RTN1: variants seen among roughly 807,000 people sequenced by gnomAD.
RTN1 encodes the protein reticulon 1, also known as reticulon-1.
In RTN1, 25 loss-of-function variants were observed where a neutral mutation model predicts 65.5. That is an observed-to-expected ratio of 0.38 (90% CI 0.28 to 0.53). The LOEUF is 0.53. Among genes scored for constraint, RTN1 ranks in the 20% least tolerant of loss-of-function variants. RTN1 has a pLI of 0.79. For missense variants in RTN1, 983 were observed against 1,025.4 expected, an observed-to-expected ratio of 0.96 and a Z score of 0.57; for synonymous variants, 471 against 447.6, an observed-to-expected ratio of 1.05 and a Z score of -0.66.
At chr14:59,686,812 G>T (rs1390505157) in intron 3 of RTN1, among the ~76,000 whole-genome samples, 1 of 152,186 alleles carries the variant, frequency 6.6e-6, no homozygotes, top group Admixed American at 6.5e-5. Flanking sequence ...AGGGAAAGAC[G>T]CTGGGAAAAG....
chr14:59,841,914 G>A (rs912705730), intron 1 of RTN1, among the ~76,000 whole-genome samples: 5 of 151,980 alleles, frequency 3.3e-5, no homozygotes, highest in African/African-American at 7.2e-5. Context: ...ATCACCTGAG[G>A]TCAGGAGTTC....
At chr14:59,788,316 T>C (rs774271733) in intron 1 of RTN1, among the ~76,000 whole-genome samples, 2 of 152,222 alleles carry the variant, frequency 1.3e-5, no homozygotes, top group Non-Finnish European at 2.9e-5. Context: ...AGAAAAAGAA[T>C]GCACTGATTT....
At chr14:59,782,012 T>C in intron 1 of RTN1, among the ~76,000 whole-genome samples, 1 of 152,142 alleles carries the variant, frequency 6.6e-6, no homozygotes, top group East Asian at 1.9e-4. Context: ...GAGATCATGA[T>C]AAAGGCAGCT....
intron 3 of RTN1, 87 bp downstream of exon 3, chr14:59,726,832 A>AG (rs1328276310): frequency 1.7e-6 from 2 of 1,163,794 alleles, no homozygotes; most frequent in Non-Finnish European, 1.2e-6. Context: ...GGATGACTCC[A>AG]GGGCTGAGCC....
rs766914944 is a variant in RTN1, at chr14:59,868,444, T to TATA, written c.241+1943_241+1945dup. 1.6e-4 allele frequency among the ~76,000 whole-genome samples: 25 copies of TATA among 152,208 alleles called. No individual in the cohort carries two copies. The highest frequency in any genetic ancestry group is 6.5e-5 in the Admixed American group (1 of 15,272). ...CACATTCAATAAAGCAAGGTATTTCTATAATAATAATACTAAAAATGCAAA... is the reference window on the plus strand; with the variant it reads ...CACATTCAATAAAGCAAGGTATTTCTATAATAATAATAATACTAAAAATGCAAA... On this transcript the variant is annotated intron_variant, in intron 1 of 8. Coordinates refer to ENST00000267484, the MANE Select transcript of RTN1 (RefSeq NM_021136.3). This position sits in a 1 kb window ranked among gnomAD's most constrained non-coding sequence, Gnocchi z 4.0.
At chr14:59,633,058 G>A (rs942997654) in intron 3 of RTN1, among the ~76,000 whole-genome samples, 6 of 152,228 alleles carry the variant, frequency 3.9e-5, no homozygotes, top group African/African-American at 1.4e-4. Flanking sequence ...AGTTGTGATC[G>A]CACCACTGCA....
chr14:59,734,491 A>G (rs1380441118), intron 2 of RTN1, among the ~76,000 whole-genome samples: 1 of 152,204 alleles, frequency 6.6e-6, no homozygotes, highest in Admixed American at 6.5e-5. Flanking sequence ...AATCATGATA[A>G]AACAATACAG....
rs1434596083 is a variant in RTN1, at chr14:59,748,853, G to A, written c.242-2372C>T. On this transcript the variant is annotated intron_variant, in intron 1 of 8. Transcript: ENST00000267484. ...CGCCCAGGCTGGAGTGCAGTGGAGC[G>A]ATCTTGGCTCACAGCAACCTCTGCC... Among the ~76,000 whole-genome samples the A allele has an allele frequency of 2.6e-5, 4 of 151,984 alleles. No homozygotes were observed. In the South Asian group the frequency reaches 6.2e-4, roughly 24 times the overall value.
chr14:59,815,429 C>T (rs1399407324), intron 1 of RTN1, among the ~76,000 whole-genome samples: 1 of 152,168 alleles, frequency 6.6e-6, no homozygotes, highest in Non-Finnish European at 1.5e-5. Context: ...TTAAATCTCT[C>T]CCAGACTTTA....
chr14:59,635,412 C>A (rs1055515297), intron 3 of RTN1, among the ~76,000 whole-genome samples: 3 of 151,770 alleles, frequency 2.0e-5, no homozygotes, highest in Non-Finnish European at 4.4e-5. Context: ...AAAAATTGAA[C>A]CTTAGAAATG....
In RTN1 at chr14:59,727,474, T is replaced by C; in HGVS notation, c.1210A>G (p.Ser404Gly). The C allele has an allele frequency of 6.3e-7, 1 of 1,576,840 alleles. No homozygotes were observed. Among genetic ancestry groups the C allele is most frequent in the Non-Finnish European group, 8.6e-7 (1 of 1,161,938 alleles). The change falls in exon 3 of 9, where the codon AGC (serine) becomes GGC (glycine). Residue 404 changes from serine (S) to glycine (G), a missense_variant. By Grantham distance (56) the Ser-to-Gly change is moderately conservative. Coordinates refer to ENST00000267484, the MANE Select transcript of RTN1 (RefSeq NM_021136.3). The surrounding 1 kb of genome is among the most constrained non-coding windows in gnomAD (Gnocchi z 4.2). ...TIPSPLDHEA[S>G]SAESGDSEIE... ...TCTGAGTCCCCCGACTCCGCGCTGC[T>C]GGCCTCGTGGTCCAGGGGGCTGGGG... is the stretch of plus-strand genomic sequence containing the variant.
chr14:59,670,167 G>A (rs1230558467), intron 3 of RTN1, among the ~76,000 whole-genome samples: 1 of 152,192 alleles, frequency 6.6e-6, no homozygotes, highest in Non-Finnish European at 1.5e-5. Flanking sequence ...GTGCAATAGT[G>A]TAGTGAGATA....
Position 59,766,467 on chromosome 14 carries a change from T to G in RTN1, c.242-19986A>C, listed in dbSNP as rs1012131383. Among the ~76,000 whole-genome samples, 6 of 152,146 alleles carry G rather than the reference T, an allele frequency of 3.9e-5. No homozygotes were observed. Among genetic ancestry groups the G allele is most frequent in the Non-Finnish European group, 5.9e-5 (4 of 68,030 alleles). ...TTCAACGTATTATTTTCTACTTACC[T>G]GTAAGTTGGTAAGGTAGCTGCTCTT... On this transcript the variant is annotated intron_variant, in intron 1 of 8. Coordinates refer to ENST00000267484, the MANE Select transcript of RTN1 (RefSeq NM_021136.3). This position sits in a 1 kb window ranked among gnomAD's most constrained non-coding sequence, Gnocchi z 4.4.
chr14:59,631,086 A>AAATT (rs1416219713), intron 3 of RTN1, among the ~76,000 whole-genome samples: 3 of 152,214 alleles, frequency 2.0e-5, no homozygotes, highest in East Asian at 1.9e-4. Context: ...CTAACTCTTA[A>AAATT]AAATCTGAAC....
intron 3 of RTN1, among the ~76,000 whole-genome samples, chr14:59,657,299 C>A (rs1309673588): frequency 6.6e-6 from 1 of 152,170 alleles, no homozygotes; most frequent in Non-Finnish European, 1.5e-5. Flanking sequence ...ATCACAGCTA[C>A]TGGGGAAGCC....
At chr14:59,635,313 C>T (rs1305744733) in intron 3 of RTN1, among the ~76,000 whole-genome samples, 1 of 152,152 alleles carries the variant, frequency 6.6e-6, no homozygotes, top group African/African-American at 2.4e-5. Flanking sequence ...GCAAGACTAA[C>T]AGACCTTTTC....
At chr14:59,740,850 G>T (rs755228417) in intron 2 of RTN1, among the ~76,000 whole-genome samples, 11 of 152,110 alleles carry the variant, frequency 7.2e-5, no homozygotes, top group Non-Finnish European at 1.3e-4. Flanking sequence ...TAAGATATTG[G>T]TTATTACGTA....
At chr14:59,771,091 A>G (rs922004924) in intron 1 of RTN1, among the ~76,000 whole-genome samples, 6 of 152,004 alleles carry the variant, frequency 3.9e-5, no homozygotes, top group Admixed American at 6.6e-5. Context: ...TCCTTTCTAT[A>G]TCAAAGTCAT....
At chr14:59,760,692 A>G (rs961660559) in intron 1 of RTN1, among the ~76,000 whole-genome samples, 2 of 152,062 alleles carry the variant, frequency 1.3e-5, no homozygotes, top group African/African-American at 4.8e-5. Context: ...CCTCTTCTTC[A>G]CGTTTTGTTT....
Sources: allele counts gnomAD v4.1 joint callset (sites outside exome capture counted in the v4.1 genomes callset), GRCh38; gene constraint gnomAD v4.1.1; non-coding constraint Gnocchi (gnomAD v3.1); transcripts MANE v1.5; gene names NCBI Gene and HGNC (gene_info 2026-07-23, HGNC 2026-07-21).